Variants in RARRES2 observed in about 807,000 individuals in gnomAD.
RARRES2 encodes the protein retinoic acid receptor responder protein 2.
Under a neutral mutation model 17.9 loss-of-function variants are expected in RARRES2, and 12 were observed. That is an observed-to-expected ratio of 0.67 (90% CI 0.43 to 1.08). RARRES2 has a LOEUF of 1.08. Among genes scored for constraint, RARRES2 ranks in the 50% least tolerant of loss-of-function variants. The pLI is 0.00. For synonymous variants in RARRES2, 82 were observed against 86.8 expected (o/e 0.94, Z 0.31); for missense variants, 220 against 210.1 (o/e 1.05, Z -0.29).
intron 1 of RARRES2, chr7:150,340,842 TC>T (rs1798471061): frequency 4.2e-6 from 2 of 471,586 alleles, no homozygotes; most frequent in Non-Finnish European, 7.4e-6. Context: ...CCCGCGCTGT[TC>T]CCTGGGGCCT....
At chr7:150,339,193 GC>G (rs1464046700) in intron 3 of RARRES2, 112 bp from the exon 4 acceptor site, 6 of 998,336 alleles carry the variant, frequency 6.0e-6, no homozygotes, top group Non-Finnish European at 7.7e-6. Context: ...CCCCAACTAG[GC>G]CCTCGAGCCC....
In RARRES2 at chr7:150,340,600, G is replaced by GC; in HGVS notation, c.9dup (p.Leu4AlafsTer68). ...AGCCACAGGGCCAGAGGGATCAGCAGCCGTCGCATGCTTCCGTGTCACCCT... is the reference window on the plus strand; with the variant it reads ...AGCCACAGGGCCAGAGGGATCAGCAGCCCGTCGCATGCTTCCGTGTCACCCT... On this transcript the variant is annotated frameshift_variant, in exon 2 of 6. Coordinates refer to ENST00000223271, the MANE Select transcript of RARRES2 (RefSeq NM_002889.4). LOFTEE classifies it high-confidence loss of function. 1 of 1,524,762 alleles carries GC rather than the reference G, an allele frequency of 6.6e-7. No individual in the cohort carries two copies. The highest frequency in any genetic ancestry group is 1.4e-5 in the African/African-American group (1 of 72,858). The allele number at this position is 1,524,762 out of a possible 1,614,324, so 94.5% of individuals were successfully genotyped here. A position where few individuals can be genotyped will look rare whatever the true frequency, so the allele number is the denominator to read the frequency against.
rs771024352 is a variant in RARRES2 at position 150,340,034 on chromosome 7, C to A, written c.279+66G>T. The A allele has an allele frequency of 1.0e-5, 15 of 1,442,222 alleles. No individual in the cohort carries two copies. The Admixed American group carries it at 1.7e-4, about 16-fold the overall frequency. 89.3% of individuals were successfully genotyped at this position (1,442,222 alleles called of 1,614,324 possible). A position where few individuals can be genotyped will look rare whatever the true frequency, so the allele number is the denominator to read the frequency against. On this transcript the variant is annotated intron_variant, in intron 3 of 5. Coordinates refer to ENST00000223271, the MANE Select transcript of RARRES2 (RefSeq NM_002889.4). ...GCACACCCAGGCATGTGCCCCACAC[C>A]CCAAACCCCAAGTCCATGCACTCAC...
chr7:150,340,614 C>T lies in RARRES2; in HGVS notation c.-5G>A. On this transcript the variant is annotated 5_prime_UTR_variant, in exon 2 of 6. Transcript: ENST00000223271. The stretch of plus-strand genomic sequence containing the variant: ...AGGGATCAGCAGCCGTCGCATGCTT[C>T]CGTGTCACCCTGGCCCTGCGAAGCG... The T allele has an allele frequency of 6.6e-7, 1 of 1,508,678 alleles. No individual in the cohort carries two copies. Among genetic ancestry groups the T allele is most frequent in the Non-Finnish European group, 8.9e-7 (1 of 1,125,764 alleles). The allele number at this position is 1,508,678 out of a possible 1,614,324, so 93.5% of individuals were successfully genotyped here.
chr7:150,340,549 C>A lies in RARRES2; in HGVS notation c.61G>T (p.Glu21Ter). Reference sequence around the variant, plus strand: ...CCCCGGCGCTGGGCTTCCGTGAGCTCGGCGACGCCCACGCCCACCGCACCC... The same window carrying A: ...CCCCGGCGCTGGGCTTCCGTGAGCTAGGCGACGCCCACGCCCACCGCACCC... ...WLGAVGVGVA[E>*]LTEAQRRGLQ... The change falls in exon 2 of 6, where the codon GAG (glutamate) becomes TAG (stop). Residue 21 changes from glutamate (E) to a stop codon, truncating the protein, a stop_gained. Transcript: ENST00000223271. LOFTEE classifies it high-confidence loss of function. 1 of 1,574,894 alleles carries A rather than the reference C, an allele frequency of 6.3e-7. No homozygotes were observed.
At chr7:150,341,069 TC>T (rs1257600602) in intron 1 of RARRES2, 4 of 154,774 alleles carry the variant, frequency 2.6e-5, no homozygotes, top group Non-Finnish European at 5.7e-5. Flanking sequence ...CCCACGGGGT[TC>T]CCCCCACGTC....
At chr7:150,339,122 G>A (rs759487691) in intron 3 of RARRES2, 41 bp from the exon 4 acceptor site, 16 of 1,524,224 alleles carry the variant, frequency 1.0e-5, no homozygotes, top group South Asian at 2.2e-5. Context: ...AGAGGAAAAG[G>A]GTGAGGGAGG....
intron 4 of RARRES2, 104 bp from the exon 5 acceptor site, chr7:150,338,845 C>T: frequency 6.4e-7 from 1 of 1,568,254 alleles, no homozygotes; most frequent in Non-Finnish European, 8.7e-7. Flanking sequence ...TGGAGAATGT[C>T]CAAACAGGCA....
chr7:150,340,605 C>G lies in RARRES2; in HGVS notation c.5G>C (p.Arg2Pro). Residue 2 changes from arginine to proline, a missense_variant, in exon 2 of 6, where the codon CGA becomes CCA. Physicochemically the swap from Arg to Pro is moderately radical, Grantham distance 103. Transcript: ENST00000223271. ...CAGGGCCAGAGGGATCAGCAGCCGTCGCATGCTTCCGTGTCACCCTGGCCC... is the reference window on the plus strand; with the variant it reads ...CAGGGCCAGAGGGATCAGCAGCCGTGGCATGCTTCCGTGTCACCCTGGCCC... Reference protein sequence around the residue: MRRLLIPLALWL... With the variant: MPRLLIPLALWL... 1 of 1,518,448 alleles carries G rather than the reference C, an allele frequency of 6.6e-7. No homozygotes were observed. The highest frequency in any genetic ancestry group is 1.2e-5 in the South Asian group (1 of 82,376). 94.1% of individuals were successfully genotyped at this position (1,518,448 alleles called of 1,614,324 possible).
At chr7:150,338,780 G>A in intron 4 of RARRES2, 39 bp from the exon 5 acceptor site, 1 of 1,562,896 alleles carries the variant, frequency 6.4e-7, no homozygotes, top group Non-Finnish European at 8.7e-7. Flanking sequence ...TGTAGGAGGG[G>A]TGGGCAGTGC....
intron 1 of RARRES2, 51 bp from the exon 2 acceptor site, chr7:150,340,680 T>A (rs1382084603): frequency 2.1e-5 from 30 of 1,409,970 alleles, no homozygotes; most frequent in Non-Finnish European, 2.7e-5. Context: ...CCGAGCCGCC[T>A]CCTCCCGCGC....
At chr7:150,339,458 G>A (rs921961444) in intron 3 of RARRES2, among the ~76,000 whole-genome samples, 1 of 152,110 alleles carries the variant, frequency 6.6e-6, no homozygotes, top group African/African-American at 2.4e-5. Context: ...ATCCTCCTCC[G>A]ATGGGTTCTT....
In RARRES2 at chr7:150,338,752, C is replaced by T. The variant is rs763653021; in HGVS notation, c.376-11G>A. 6 of 1,559,158 alleles carry T rather than the reference C, an allele frequency of 3.8e-6. No individual in the cohort carries two copies. The highest frequency in any genetic ancestry group is 2.4e-5 in the East Asian group (1 of 41,306). ...GTGCTCCTCAGCCTCCTGCCAGTGC[C>T]CAAAACTGTTCAGGCAGTGTAGGAG... On this transcript the variant is annotated splice_polypyrimidine_tract_variant and intron_variant, in intron 4 of 5. Coordinates refer to ENST00000223271, the MANE Select transcript of RARRES2 (RefSeq NM_002889.4).
At position 150,338,702 on chromosome 7, in the gene RARRES2, G is replaced by C; in HGVS notation, c.415C>G (p.Gln139Glu). 4 of 1,555,278 alleles carry C rather than the reference G, an allele frequency of 2.6e-6. No homozygotes were observed. Among genetic ancestry groups the C allele is most frequent in the Non-Finnish European group, 3.5e-6 (4 of 1,148,922 alleles). The change falls in exon 5 of 6, where the codon CAG (glutamine) becomes GAG (glutamate). Residue 139 changes from glutamine (Q) to glutamate (E), a missense_variant. Physicochemically the swap from Gln to Glu is conservative, Grantham distance 29. Coordinates refer to ENST00000223271, the MANE Select transcript of RARRES2 (RefSeq NM_002889.4). ...EHQETQCLRV[Q>E]RAGEDPHSFY... is the part of the protein sequence containing the mutation. ...CTGTGGGGGTCCTCACCAGCCCGCT[G>C]CACCCTGAGGCACTGGGTCTCCTGG...
Position 150,338,440 on chromosome 7 carries a change from C to G in RARRES2, c.*11-1G>C, listed in dbSNP as rs1360940143. 2 of 1,528,596 alleles carry G rather than the reference C, an allele frequency of 1.3e-6. No individual in the cohort carries two copies. Among genetic ancestry groups the G allele is most frequent in the Non-Finnish European group, 1.8e-6 (2 of 1,142,120 alleles). The allele number at this position is 1,528,596 out of a possible 1,614,324, so 94.7% of individuals were successfully genotyped here. On this transcript the variant is annotated splice_acceptor_variant, in intron 5 of 5. Coordinates refer to ENST00000223271, the MANE Select transcript of RARRES2 (RefSeq NM_002889.4). LOFTEE classifies it low-confidence loss of function (3UTR_SPLICE). ...GCGGTCCTGGAGGCACCACGCATCTCTAGACAAAAGGGGAAACAGGTTTGG... is the reference window on the plus strand; with the variant it reads ...GCGGTCCTGGAGGCACCACGCATCTGTAGACAAAAGGGGAAACAGGTTTGG...
intron 1 of RARRES2, 165 bp downstream of exon 1, chr7:150,341,413 C>T (rs977074401): frequency 1.3e-5 from 2 of 152,388 alleles, no homozygotes; most frequent in African/African-American, 2.4e-5. Flanking sequence ...CGGAGAGCCC[C>T]GTCGGTCCTG....
At position 150,340,482 on chromosome 7, in the gene RARRES2, A is replaced by G. The variant is rs372205459; in HGVS notation, c.128T>C (p.Val43Ala). 7 of 1,609,480 alleles carry G rather than the reference A, an allele frequency of 4.3e-6. No individual in the cohort carries two copies. The highest frequency in any genetic ancestry group is 5.9e-6 in the Non-Finnish European group (7 of 1,178,072). ...ACTGGTCTCCTGGAAGGCCCACTGC[A>G]CGGGCGGGTGCTTGTGAAATTCCTC... ...ALEEFHKHPPVQWAFQETSVE... is the reference protein window; with the variant it reads ...ALEEFHKHPPAQWAFQETSVE... Residue 43 changes from valine to alanine, a missense_variant, in exon 2 of 6, where the codon GTG (valine) becomes GCG (alanine). Physicochemically the swap from Val to Ala is moderately conservative, Grantham distance 64. Coordinates refer to ENST00000223271, the MANE Select transcript of RARRES2 (RefSeq NM_002889.4).
At position 150,340,209 on chromosome 7, in the gene RARRES2, GGACA is replaced by G. The variant is rs1439189484; in HGVS notation, c.175-9_175-6del. The G allele has an allele frequency of 1.2e-6, 2 of 1,613,730 alleles. No homozygotes were observed. On this transcript the variant is annotated splice_region_variant and splice_polypyrimidine_tract_variant and intron_variant, in intron 2 of 5. Transcript: ENST00000223271. ...AAATATTCCAGCTGGGAAGGGCTGCGGACAGACAGGCAGGCAGAGGATGGCCGGT... is the reference window on the plus strand; with the variant it reads ...AAATATTCCAGCTGGGAAGGGCTGCGGACAGGCAGGCAGAGGATGGCCGGT...
chr7:150,340,678 C>G, intron 1 of RARRES2, 49 bp from the exon 2 acceptor site: 2 of 1,415,984 alleles, frequency 1.4e-6, no homozygotes, highest in East Asian at 5.2e-5. Context: ...GCCCGAGCCG[C>G]CTCCTCCCGC....
Sources: allele counts gnomAD v4.1 joint callset (sites outside exome capture counted in the v4.1 genomes callset), GRCh38; gene constraint gnomAD v4.1.1; transcripts MANE v1.5; gene names NCBI Gene and HGNC (gene_info 2026-07-23, HGNC 2026-07-21).